Variants in SLCO4C1 observed in about 807,000 individuals in gnomAD.
SLCO4C1 encodes solute carrier organic anion transporter family member 4C1.
In SLCO4C1, 58 loss-of-function variants were observed where a neutral mutation model predicts 72.1. The observed-to-expected ratio is 0.80, with a 90% CI of 0.65 to 1.00. The LOEUF (loss-of-function observed/expected upper bound fraction) is 1.00. Ranked by LOEUF, SLCO4C1 falls within the 50% of genes least tolerant of loss-of-function variation. The pLI is 0.00. For synonymous variants in SLCO4C1, 297 were observed against 312.5 expected (o/e 0.95, Z 0.52); for missense variants, 898 against 857.9 (o/e 1.05, Z -0.58).
intron 8 of SLCO4C1, among the ~76,000 whole-genome samples, chr5:102,251,018 G>A (rs1748729648): frequency 6.6e-6 from 1 of 151,848 alleles, no homozygotes; most frequent in African/African-American, 2.4e-5. Context: ...TAAAGAATGA[G>A]TACAAGTAAG....
intron 6 of SLCO4C1, among the ~76,000 whole-genome samples, chr5:102,259,979 A>C (rs1271814115): frequency 6.6e-6 from 1 of 151,972 alleles, no homozygotes; most frequent in Non-Finnish European, 1.5e-5. Context: ...CAAGCAAACA[A>C]AATGCTACTA....
chr5:102,239,617 A>G (rs1416924851), intron 11 of SLCO4C1, among the ~76,000 whole-genome samples: 2 of 152,078 alleles, frequency 1.3e-5, no homozygotes, highest in Non-Finnish European at 2.9e-5. Flanking sequence ...AAGTATTTCA[A>G]TAGAAATATC....
At chr5:102,294,971 G>A (rs540377371) in intron 1 of SLCO4C1, among the ~76,000 whole-genome samples, 1 of 152,254 alleles carries the variant, frequency 6.6e-6, no homozygotes, top group South Asian at 2.1e-4. Flanking sequence ...TATGACTCAA[G>A]TGACCAAAAA....
intron 3 of SLCO4C1, 152 bp from the exon 4 acceptor site, chr5:102,263,932 T>C (rs530500761): frequency 3.2e-6 from 2 of 620,034 alleles, no homozygotes; most frequent in East Asian, 3.0e-5. Context: ...ACCATTTGAA[T>C]TGATAGTCAA....
intron 1 of SLCO4C1, among the ~76,000 whole-genome samples, chr5:102,293,663 A>G (rs1197495285): frequency 6.6e-6 from 1 of 152,222 alleles, no homozygotes; most frequent in African/African-American, 2.4e-5. Context: ...TTTGAGAAAC[A>G]TGGCAATAAA....
chr5:102,277,713 C>T (rs2112385572), intron 2 of SLCO4C1, among the ~76,000 whole-genome samples: 1 of 152,046 alleles, frequency 6.6e-6, no homozygotes, highest in Non-Finnish European at 1.5e-5. Context: ...TCACCCACCC[C>T]CACCTCAAAG....
rs770218197 is a variant in SLCO4C1, at chr5:102,295,975, T to A, written c.288A>T (p.Gln96His). 2 of 1,614,100 alleles carry A rather than the reference T, an allele frequency of 1.2e-6. No homozygotes were observed. Among genetic ancestry groups the A allele is most frequent in the African/African-American group, 2.7e-5 (2 of 74,940 alleles). ...GSYGWRNFHP[Q>H]CLQRCNTPGG... Reference sequence around the variant, plus strand: ...CAGGTGTGTTGCAGCGCTGGAGACATTGAGGATGGAAGTTCCTCCAGCCGT... The same window carrying A: ...CAGGTGTGTTGCAGCGCTGGAGACAATGAGGATGGAAGTTCCTCCAGCCGT... Residue 96 changes from glutamine (Q) to histidine (H), a missense_variant, in exon 1 of 13, where the codon CAA becomes CAT. Transcript: ENST00000310954.
intron 10 of SLCO4C1, among the ~76,000 whole-genome samples, chr5:102,242,985 A>T (rs981183028): frequency 6.6e-6 from 1 of 152,286 alleles, no homozygotes; most frequent in South Asian, 2.1e-4. Flanking sequence ...CTGAAGGGTG[A>T]GTCCCAGCCC....
intron 8 of SLCO4C1, 80 bp downstream of exon 8, chr5:102,257,035 C>A: frequency 8.4e-7 from 1 of 1,190,318 alleles, no homozygotes; most frequent in Non-Finnish European, 1.1e-6. Context: ...CAATTTCTCA[C>A]CATTTAAGAA....
chr5:102,246,717 T>C (rs145942115), intron 10 of SLCO4C1, among the ~76,000 whole-genome samples: 82 of 152,170 alleles, frequency 5.4e-4, no homozygotes, highest in African/African-American at 1.8e-3. Flanking sequence ...ATACAAAGAC[T>C]GATGACTCTA....
chr5:102,274,109 T>C (rs59151152), intron 2 of SLCO4C1, among the ~76,000 whole-genome samples: 3,666 of 152,294 alleles, frequency 0.024, 98 homozygotes, highest in African/African-American at 0.071. Context: ...TATAGGAGGA[T>C]GTAGGTAGAT....
chr5:102,287,214 T>G (rs896167412), intron 2 of SLCO4C1, among the ~76,000 whole-genome samples: 1 of 152,160 alleles, frequency 6.6e-6, no homozygotes, highest in Non-Finnish European at 1.5e-5. Context: ...TTTTCCTAAG[T>G]TTTCTTCTCT....
intron 8 of SLCO4C1, among the ~76,000 whole-genome samples, chr5:102,256,197 C>A (rs261102): frequency 0.75 from 114,389 of 152,022 alleles, 43,090 homozygotes; most frequent in Middle Eastern, 0.84. Context: ...GAGCAAGACT[C>A]TCTGTCTAAA....
At chr5:102,265,221 C>T (rs1024701963) in intron 3 of SLCO4C1, among the ~76,000 whole-genome samples, 30 of 151,924 alleles carry the variant, frequency 2.0e-4, no homozygotes, top group African/African-American at 6.5e-4. Flanking sequence ...GAAATTAGAC[C>T]TTTGTTGGAT....
At chr5:102,256,893 A>AT (rs1210144546) in intron 8 of SLCO4C1, among the ~76,000 whole-genome samples, 1 of 152,220 alleles carries the variant, frequency 6.6e-6, no homozygotes, top group Admixed American at 6.5e-5. Flanking sequence ...AGTGCCCAGT[A>AT]TATGAAAGTT....
At position 102,257,944 on chromosome 5, in the gene SLCO4C1, T is replaced by G; in HGVS notation, c.1272A>C (p.Gly424=). ...GLTSSFAATL[G]GAVLIPGAAL... ...GTTAAGATAAAGAAAATGTTTTACCTCCAAGAGTAGCTGCGAAGCTGGATG... is the reference window on the plus strand; with the variant it reads ...GTTAAGATAAAGAAAATGTTTTACCGCCAAGAGTAGCTGCGAAGCTGGATG... The change falls in exon 7 of 13, where the codon GGA becomes GGC. Residue 424 remains glycine, a splice_region_variant and synonymous_variant. Transcript: ENST00000310954. 6.2e-7 allele frequency: 1 copy of G among 1,601,206 alleles called. No homozygotes were observed. Among genetic ancestry groups the G allele is most frequent in the Non-Finnish European group, 8.5e-7 (1 of 1,176,412 alleles).
At chr5:102,257,801 G>T in intron 7 of SLCO4C1, 142 bp downstream of exon 7, 3 of 732,580 alleles carry the variant, frequency 4.1e-6, no homozygotes. Flanking sequence ...ATGTTTTTTG[G>T]TACAGACAGG....
In SLCO4C1 at chr5:102,247,429, C is replaced by G; in HGVS notation, c.1634G>C (p.Cys545Ser). 2 of 1,555,866 alleles carry G rather than the reference C, an allele frequency of 1.3e-6. No homozygotes were observed. The highest frequency in any genetic ancestry group is 1.8e-6 in the Non-Finnish European group (2 of 1,141,780). Residue 545 changes from cysteine (C) to serine (S), a missense_variant, in exon 10 of 13, where the codon TGT becomes TCT. Coordinates refer to ENST00000310954, the MANE Select transcript of SLCO4C1 (RefSeq NM_180991.5). ...TTCTGTTTTCCTTTCAATACAGGAA[C>G]AGTTGTAATATACCTAAAAATATTA... ...AHRKPKVYYN[C>S]SCIERKTEIT...
At chr5:102,272,986 GAAAGA>G (rs765275912) in intron 2 of SLCO4C1, among the ~76,000 whole-genome samples, 32 of 124,030 alleles carry the variant, frequency 2.6e-4, no homozygotes, top group African/African-American at 9.7e-4. Flanking sequence ...GTGAAATAGA[GAAAGA>G]AAAGAAAAAA....
Sources: allele counts gnomAD v4.1 joint callset (sites outside exome capture counted in the v4.1 genomes callset), GRCh38; gene constraint gnomAD v4.1.1; transcripts MANE v1.5; gene names NCBI Gene and HGNC (gene_info 2026-07-23, HGNC 2026-07-21).